Variants in LIN28A observed in about 807,000 individuals in gnomAD.
The protein encoded by LIN28A is protein lin-28 homolog A.
In LIN28A, 11 loss-of-function variants were observed where a neutral mutation model predicts 21.1. The ratio of observed to expected loss-of-function variants is 0.52; its 90% CI spans 0.33 to 0.86. The LOEUF (loss-of-function observed/expected upper bound fraction) is 0.86. Ranked by LOEUF, LIN28A falls within the 40% of genes least tolerant of loss-of-function variation. The pLI is 0.03. For synonymous variants in LIN28A, 111 were observed against 108.7 expected, an observed-to-expected ratio of 1.02 and a Z score of -0.13; for missense variants, 219 against 279.8, an observed-to-expected ratio of 0.78 and a Z score of 1.55.
At chr1:26,418,748 G>A (rs1353842257) in intron 2 of LIN28A, among the ~76,000 whole-genome samples, 6 of 152,138 alleles carry the variant, frequency 3.9e-5, no homozygotes, top group Admixed American at 3.3e-4. Context: ...AAGGGGAGGG[G>A]GTCCTGTTTG....
In LIN28A at chr1:26,411,647, C is replaced by A; in HGVS notation, c.228+65C>A. On this transcript the variant is annotated intron_variant, in intron 2 of 3. Coordinates refer to ENST00000326279, the MANE Select transcript of LIN28A (RefSeq NM_024674.6). The surrounding 1 kb of genome is among the most constrained non-coding windows in gnomAD (Gnocchi z 5.4). ...CTAGGCGCCCATATCCACGGGTGGG[C>A]TCCGGGCTCGCAGTTGAATTGAGGG... The A allele has an allele frequency of 6.5e-7, 1 of 1,529,780 alleles. No individual in the cohort carries two copies. Among genetic ancestry groups the A allele is most frequent in the Non-Finnish European group, 8.9e-7 (1 of 1,123,584 alleles). 94.8% of individuals were successfully genotyped at this position (1,529,780 alleles called of 1,614,324 possible).
intron 2 of LIN28A, among the ~76,000 whole-genome samples, chr1:26,422,229 C>T (rs917788468): frequency 2.6e-5 from 4 of 151,826 alleles, no homozygotes; most frequent in East Asian, 1.9e-4. Flanking sequence ...AAGCTGGTCT[C>T]GAATTCCTGG....
At position 26,425,479 on chromosome 1, in the gene LIN28A, A is replaced by AGGAGACAGGTAT; in HGVS notation, c.409_413+7dup. 1 of 1,613,920 alleles carries AGGAGACAGGTAT rather than the reference A, an allele frequency of 6.2e-7. No individual in the cohort carries two copies. Among genetic ancestry groups the AGGAGACAGGTAT allele is most frequent in the Non-Finnish European group, 8.5e-7 (1 of 1,179,872 alleles). ...AGAGCATGCAGAAGCGCAGATCAAA[A>AGGAGACAGGTAT]GGAGACAGGTATGGATTGGAAGGCA... On this transcript the variant is annotated inframe_insertion, in exon 3 of 4. Coordinates refer to ENST00000326279, the MANE Select transcript of LIN28A (RefSeq NM_024674.6).
At chr1:26,417,523 T>A (rs1038149852) in intron 2 of LIN28A, among the ~76,000 whole-genome samples, 1 of 152,216 alleles carries the variant, frequency 6.6e-6, no homozygotes, top group African/African-American at 2.4e-5. Context: ...CAATTATATA[T>A]GTGACTTGCA....
chr1:26,421,323 G>A (rs1006427478), intron 2 of LIN28A, among the ~76,000 whole-genome samples: 3 of 152,100 alleles, frequency 2.0e-5, no homozygotes, highest in Non-Finnish European at 2.9e-5. Flanking sequence ...TGGCTGCGTG[G>A]TATTCATTAT....
chr1:26,415,260 CCTT>C (rs1026445748), intron 2 of LIN28A, among the ~76,000 whole-genome samples: 9 of 152,104 alleles, frequency 5.9e-5, no homozygotes, highest in Admixed American at 4.6e-4. Context: ...AGCCAGGTGG[CCTT>C]CTTTTTCTAA....
In LIN28A at chr1:26,426,405, G is replaced by C. The variant is rs764543175; in HGVS notation, c.577G>C (p.Glu193Gln). ...ACAGGGAAAGCCAACCTACTTTCGA[G>C]AGGAAGAAGAAGAAATCCACAGCCC... ...SAQGKPTYFR[E>Q]EEEEIHSPTL... Residue 193 changes from glutamate to glutamine, a missense_variant, in exon 4 of 4, where the codon GAG becomes CAG. Around this residue, in one of 3 missense-constraint regions of LIN28A, gnomAD observed 45 missense variants for 37.7 expected, o/e 1.19. Coordinates refer to ENST00000326279, the MANE Select transcript of LIN28A (RefSeq NM_024674.6). 1 of 1,614,214 alleles carries C rather than the reference G, an allele frequency of 6.2e-7. No homozygotes were observed. Among genetic ancestry groups the C allele is most frequent in the East Asian group, 2.2e-5 (1 of 44,892 alleles).
intron 2 of LIN28A, among the ~76,000 whole-genome samples, chr1:26,423,085 G>C (rs757695871): frequency 6.6e-6 from 1 of 151,780 alleles, no homozygotes; most frequent in East Asian, 1.9e-4. Context: ...ACAGAGTCTC[G>C]CTCCATCACC....
intron 2 of LIN28A, among the ~76,000 whole-genome samples, chr1:26,418,416 G>A (rs1231918955): frequency 6.6e-6 from 1 of 152,058 alleles, no homozygotes; most frequent in Non-Finnish European, 1.5e-5. Context: ...AATGGTGGCA[G>A]GAGCCTGTAG....
intron 2 of LIN28A, among the ~76,000 whole-genome samples, chr1:26,416,694 T>C (rs1318321001): frequency 6.6e-6 from 1 of 152,124 alleles, no homozygotes; most frequent in Non-Finnish European, 1.5e-5. Context: ...CTTAGCTCAC[T>C]GCAACCTCCA....
chr1:26,411,349 G>T lies in LIN28A; in HGVS notation c.32-37G>T. ...GCCCGAGACGGCCCTCCGATTCCGT[G>T]CCCCCCAGCTAAGTGCCCGGCCCTC... On this transcript the variant is annotated intron_variant, in intron 1 of 3. Transcript: ENST00000326279. The surrounding 1 kb of genome is among the most constrained non-coding windows in gnomAD (Gnocchi z 5.4). 3 of 1,501,668 alleles carry T rather than the reference G, an allele frequency of 2.0e-6. No homozygotes were observed. Among genetic ancestry groups the T allele is most frequent in the Non-Finnish European group, 1.8e-6 (2 of 1,131,408 alleles). 93.0% of individuals were successfully genotyped at this position (1,501,668 alleles called of 1,614,324 possible). A position where few individuals can be genotyped will look rare whatever the true frequency, so the allele number is the denominator to read the frequency against.
chr1:26,425,193 A>T, intron 2 of LIN28A, 110 bp from the exon 3 acceptor site: 1 of 1,058,856 alleles, frequency 9.4e-7, no homozygotes, highest in Non-Finnish European at 1.4e-6. Flanking sequence ...TTACCAGTAA[A>T]ATAGGAGTAC....
intron 2 of LIN28A, among the ~76,000 whole-genome samples, chr1:26,422,575 G>A (rs1177876991): frequency 1.3e-5 from 2 of 152,056 alleles, no homozygotes; most frequent in Admixed American, 6.6e-5. Flanking sequence ...TTCCCTCAAG[G>A]TTAGATTCAG....
chr1:26,414,817 A>T (rs2074983904), intron 2 of LIN28A, among the ~76,000 whole-genome samples: 13 of 152,220 alleles, frequency 8.5e-5, no homozygotes, highest in Admixed American at 8.5e-4. Flanking sequence ...TAGGTATGAC[A>T]ACCAAAAACA....
chr1:26,425,578 A>G, intron 3 of LIN28A, 91 bp downstream of exon 3: 1 of 1,242,564 alleles, frequency 8.0e-7, no homozygotes, highest in South Asian at 1.4e-5. Context: ...CAAAAGACAA[A>G]GGGAAGCCTG....
intron 2 of LIN28A, among the ~76,000 whole-genome samples, chr1:26,420,640 G>A (rs1035539334): frequency 6.6e-6 from 1 of 151,510 alleles, no homozygotes; most frequent in Non-Finnish European, 1.5e-5. Flanking sequence ...AGGAATCTGT[G>A]GTTCCTTCAT....
Position 26,427,381 on chromosome 1 carries a change from T to C in LIN28A, c.*923T>C, listed in dbSNP as rs1482238156. On this transcript the variant is annotated 3_prime_UTR_variant, in exon 4 of 4. Transcript: ENST00000326279. ...TATTGAACTACCTCATTTTTGCCAA[T>C]AAGAGCTGGCTTTTCTGCCATAGTG... 6.6e-6 allele frequency: 1 copy of C among 152,630 alleles called. No individual in the cohort carries two copies. The highest frequency in any genetic ancestry group is 1.5e-5 in the Non-Finnish European group (1 of 68,044). The allele number at this position is 152,630 out of a possible 1,614,324, so 9.5% of individuals were successfully genotyped here. A position where few individuals can be genotyped will look rare whatever the true frequency, so the allele number is the denominator to read the frequency against.
At chr1:26,417,040 T>C (rs987226048) in intron 2 of LIN28A, among the ~76,000 whole-genome samples, 4 of 141,334 alleles carry the variant, frequency 2.8e-5, no homozygotes, top group Non-Finnish European at 6.2e-5. Flanking sequence ...AAGCCGGTGG[T>C]TGGGTGGGGG....
At chr1:26,415,137 C>G (rs2074985430) in intron 2 of LIN28A, among the ~76,000 whole-genome samples, 3 of 152,238 alleles carry the variant, frequency 2.0e-5, no homozygotes, top group South Asian at 2.1e-4. Flanking sequence ...GGCTTTCTGG[C>G]TAAAATGCTA....
Sources: gnomAD v4.1 joint callset for allele counts (sites outside exome capture counted in the v4.1 genomes callset) on GRCh38, gnomAD v4.1.1 for gene constraint, gnomAD v4.1.1 regional missense constraint, Gnocchi (gnomAD v3.1) non-coding constraint, MANE v1.5 for transcripts, NCBI Gene and HGNC (gene_info 2026-07-23, HGNC 2026-07-21) for gene names.